The following ANO7 variants were observed in gnomAD, a reference collection of about 807,000 sequenced individuals.
ANO7 encodes anoctamin-7.
In ANO7, 114 loss-of-function variants were observed where a neutral mutation model predicts 115.8. The ratio of observed to expected loss-of-function variants is 0.98; its 90% CI spans 0.85 to 1.15. ANO7 has a LOEUF of 1.15. Ranked by LOEUF, ANO7 falls within the 50% of genes most tolerant of loss-of-function variation. The pLI is 0.00. For missense variants in ANO7, 1,302 were observed against 1,201.2 expected (o/e 1.08, Z -1.24); for synonymous variants, 550 against 498.2 (o/e 1.10, Z -1.38).
rs78605785 is a variant in ANO7 at position 241,217,813 on chromosome 2, G to T, written c.2100G>T (p.Pro700=). 313,105 of 1,608,986 alleles carry T rather than the reference G, an allele frequency of 0.19. 33,090 individuals are homozygous for T. Among genetic ancestry groups the T allele is most frequent in the Middle Eastern group, 0.26 (1,572 of 6,054 alleles). ...ARKFVCEYRR[P]VAERAQDIGI... ...AGTTCGTCTGCGAGTACCGGCGCCC[G>T]GTGGCCGAGCGCGCCCAGGACATCG... The change falls in exon 20 of 25, where the codon CCG becomes CCT. Residue 700 remains proline, a synonymous_variant. Coordinates refer to ENST00000674324, the MANE Select transcript of ANO7 (RefSeq NM_001370694.2).
the ANO7 span, chr2:241,235,430 A>G: frequency 6.8e-7 from 1 of 1,469,122 alleles, no homozygotes; most frequent in Non-Finnish European, 9.5e-7. Context: ...GGACACTGGC[A>G]CTCGGGAGAG....
intron 17 of ANO7, 37 bp downstream of exon 17, chr2:241,212,663 T>C (rs1467704192): frequency 6.3e-7 from 1 of 1,589,458 alleles, no homozygotes; most frequent in Non-Finnish European, 8.6e-7. Flanking sequence ...GGGGATGAGC[T>C]GTGTGCTTCC....
At chr2:241,189,952 C>T (rs996164948) in intron 1 of ANO7, 105 bp from the exon 2 acceptor site, 6 of 834,800 alleles carry the variant, frequency 7.2e-6, no homozygotes, top group South Asian at 3.5e-5. Context: ...TACTCCGAGT[C>T]GAGTCTGTAA....
intron 21 of ANO7, among the ~76,000 whole-genome samples, chr2:241,222,965 C>A (rs1382798659): frequency 6.6e-6 from 1 of 152,194 alleles, no homozygotes; most frequent in Non-Finnish European, 1.5e-5. Flanking sequence ...TGGGGGACAA[C>A]CCAGCACATC....
rs971444403 is a variant in ANO7 at position 241,224,829 on chromosome 2, A to G, written c.*676A>G. On this transcript the variant is annotated 3_prime_UTR_variant, in exon 25 of 25. Coordinates refer to ENST00000674324, the MANE Select transcript of ANO7 (RefSeq NM_001370694.2). ...TTTACTTGCATTCTGCAGCAATTAC[A>G]TGTGTCCTTTTGATCCTTGCCCAAC... The G allele has an allele frequency of 3.3e-5, 5 of 151,974 alleles. No homozygotes were observed. The highest frequency in any genetic ancestry group is 7.3e-5 in the African/African-American group (3 of 41,308). 9.4% of individuals were successfully genotyped at this position (151,974 alleles called of 1,614,324 possible).
Position 241,217,549 on chromosome 2 carries a change from G to C in ANO7, c.1973-137G>C, listed in dbSNP as rs966182039. 9 of 1,011,472 alleles carry C rather than the reference G, an allele frequency of 8.9e-6. No individual in the cohort carries two copies. In the Admixed American group the frequency reaches 1.1e-4, roughly 12 times the overall value. The allele number at this position is 1,011,472 out of a possible 1,614,324, so 62.7% of individuals were successfully genotyped here. ...GCGCTGCGCGGTCCAGGACGAGGGA[G>C]ACCAGGAGGTGGGGGCGGAATGAGC... On this transcript the variant is annotated intron_variant, in intron 19 of 24. Coordinates refer to ENST00000674324, the MANE Select transcript of ANO7 (RefSeq NM_001370694.2).
intron 6 of ANO7, 115 bp from the exon 7 acceptor site, chr2:241,201,183 C>T: frequency 8.0e-7 from 1 of 1,255,942 alleles, no homozygotes; most frequent in South Asian, 1.9e-5. Flanking sequence ...GCGCCAGCAC[C>T]CGGGCCCCAA....
chr2:241,190,027 C>T, intron 1 of ANO7, 30 bp from the exon 2 acceptor site: 1 of 1,537,548 alleles, frequency 6.5e-7, no homozygotes, highest in East Asian at 2.4e-5. Context: ...CTCTCTGACC[C>T]CCATCCCCAC....
chr2:241,196,791 G>A (rs1270080460), intron 4 of ANO7, among the ~76,000 whole-genome samples: 1 of 151,814 alleles, frequency 6.6e-6, no homozygotes, highest in Non-Finnish European at 1.5e-5. Context: ...CATTTGACTT[G>A]TTCCCAGTCT....
intron 17 of ANO7, among the ~76,000 whole-genome samples, chr2:241,213,603 G>A (rs1175874896): frequency 6.6e-6 from 1 of 152,116 alleles, no homozygotes; most frequent in African/African-American, 2.4e-5. Flanking sequence ...TGTTCCCGAC[G>A]CACAGCCCCT....
chr2:241,217,834 C>G lies in ANO7; in HGVS notation c.2121C>G (p.Asp707Glu). ...GCCCGGTGGCCGAGCGCGCCCAGGA[C>G]ATCGGCATCTGGTTCCACATCCTGG... ...YRRPVAERAQ[D>E]IGIWFHILAG... The change falls in exon 20 of 25, where the codon GAC becomes GAG. Residue 707 changes from aspartate to glutamate, a missense_variant. Physicochemically the swap from Asp to Glu is conservative, Grantham distance 45. Coordinates refer to ENST00000674324, the MANE Select transcript of ANO7 (RefSeq NM_001370694.2). 6.2e-7 allele frequency: 1 copy of G among 1,609,030 alleles called. No individual in the cohort carries two copies. The highest frequency in any genetic ancestry group is 1.3e-5 in the African/African-American group (1 of 74,884).
the ANO7 span, chr2:241,238,543 T>TA: frequency 1.1e-5 from 10 of 938,870 alleles, no homozygotes; most frequent in African/African-American, 1.5e-4. The surrounding 1 kb of genome is among the most constrained non-coding windows in gnomAD (Gnocchi z 4.9). Flanking sequence ...ATAGATGGTT[T>TA]TCCAGCAGAG....
rs1470907677 is a variant in ANO7 at position 241,224,416 on chromosome 2, T to G, written c.*263T>G. Reference sequence around the variant, plus strand: ...CCCAGACATAAGCCCAAGGGGCCCCTGCACCCAAGGGACCCTGTCCCTCGG... The same window carrying G: ...CCCAGACATAAGCCCAAGGGGCCCCGGCACCCAAGGGACCCTGTCCCTCGG... On this transcript the variant is annotated 3_prime_UTR_variant, in exon 25 of 25. Coordinates refer to ENST00000674324, the MANE Select transcript of ANO7 (RefSeq NM_001370694.2). 5.9e-6 allele frequency: 3 copies of G among 505,872 alleles called. No individual in the cohort carries two copies. Among genetic ancestry groups the G allele is most frequent in the Non-Finnish European group, 1.1e-5 (3 of 278,600 alleles). The allele number at this position is 505,872 out of a possible 1,614,324, so 31.3% of individuals were successfully genotyped here.
At chr2:241,222,233 CATAAATAAATAAATAAATAA>C (rs59653174) in intron 21 of ANO7, among the ~76,000 whole-genome samples, 41 of 143,344 alleles carry the variant, frequency 2.9e-4, no homozygotes, top group Admixed American at 2.8e-4. Flanking sequence ...GACTCTGTCT[CATAAATAAATAAATAAATAA>C]ATAAATAAAT....
In ANO7 at chr2:241,225,667, G is replaced by A. The variant is rs999668467; in HGVS notation, c.*1514G>A. Among the ~76,000 whole-genome samples, 16 of 116,490 alleles carry A rather than the reference G, an allele frequency of 1.4e-4. No individual in the cohort carries two copies. Among genetic ancestry groups the A allele is most frequent in the Admixed American group, 9.8e-4 (13 of 13,198 alleles). The allele number at this position is 116,490 out of a possible 152,430, so 76.4% of individuals were successfully genotyped here. Reference sequence around the variant, plus strand: ...CACCGTGATGCCTGGCCTGAGGGCGGCGTGCTTGCTTGTAGCATTTCTTGA... The same window carrying A: ...CACCGTGATGCCTGGCCTGAGGGCGACGTGCTTGCTTGTAGCATTTCTTGA... On this transcript the variant is annotated 3_prime_UTR_variant, in exon 25 of 25. Transcript: ENST00000674324.
Position 241,195,775 on chromosome 2 carries a change from C to T in ANO7, c.239C>T (p.Thr80Ile), listed in dbSNP as rs1355182515. The change falls in exon 4 of 25, where the codon ACA becomes ATA. Residue 80 changes from threonine (T) to isoleucine (I), a missense_variant. Coordinates refer to ENST00000674324, the MANE Select transcript of ANO7 (RefSeq NM_001370694.2). ...CAGGACAGTGCCGCCCGGGACAGAA[C>T]AGACATGCACAGGACCTGGCGGGAG... ...RQQDSAARDR[T>I]DMHRTWRETF... The T allele has an allele frequency of 6.2e-7, 1 of 1,614,280 alleles. No individual in the cohort carries two copies. The highest frequency in any genetic ancestry group is 1.3e-5 in the African/African-American group (1 of 75,080).
chr2:241,197,364 C>T (rs1389524611), intron 4 of ANO7, among the ~76,000 whole-genome samples: 2 of 152,000 alleles, frequency 1.3e-5, no homozygotes, highest in African/African-American at 2.4e-5. Flanking sequence ...CCTCCCAAAG[C>T]GCTGGGATTA....
intron 21 of ANO7, 112 bp downstream of exon 21, chr2:241,218,493 G>A (rs2068925671): frequency 2.9e-6 from 3 of 1,025,010 alleles, no homozygotes; most frequent in Admixed American, 4.6e-5. Context: ...GGGCGCCGCC[G>A]GGCAAGGCCG....
downstream of ANO7, chr2:241,228,860 T>C (rs1359542654): frequency 6.5e-6 from 1 of 152,876 alleles, no homozygotes; most frequent in Admixed American, 6.5e-5. Flanking sequence ...GCAGACACTG[T>C]GACGGCCACA....
Sources: allele counts gnomAD v4.1 joint callset (sites outside exome capture counted in the v4.1 genomes callset), GRCh38; gene constraint gnomAD v4.1.1; non-coding constraint Gnocchi (gnomAD v3.1); transcripts MANE v1.5; gene names NCBI Gene and HGNC (gene_info 2026-07-23, HGNC 2026-07-21).